Variants in CTNNA3 observed in about 807,000 individuals in gnomAD.
The protein encoded by CTNNA3 is catenin alpha-3.
A neutral mutation model predicts 95.7 loss-of-function variants in CTNNA3; 76 were observed. The ratio of observed to expected loss-of-function variants is 0.79; its 90% CI spans 0.66 to 0.96. The LOEUF (loss-of-function observed/expected upper bound fraction) is 0.96. Among genes scored for constraint, CTNNA3 ranks in the 40% least tolerant of loss-of-function variants. The pLI is 0.00. For missense variants in CTNNA3, 1,191 were observed against 1,089.8 expected, an observed-to-expected ratio of 1.09 and a Z score of -1.31; for synonymous variants, 431 against 374.4, an observed-to-expected ratio of 1.15 and a Z score of -1.74.
chr10:66,615,238 G>A (rs998435825), intron 10 of CTNNA3, among the ~76,000 whole-genome samples: 4 of 151,768 alleles, frequency 2.6e-5, no homozygotes, highest in African/African-American at 9.7e-5. Flanking sequence ...TATTTTTCAT[G>A]TCATATGAAT....
intron 11 of CTNNA3, among the ~76,000 whole-genome samples, chr10:66,418,056 AG>A (rs2093160959): frequency 6.6e-6 from 1 of 151,650 alleles, no homozygotes; most frequent in African/African-American, 2.4e-5. Flanking sequence ...AACAATAAAA[AG>A]CATGAATGAA....
intron 10 of CTNNA3, among the ~76,000 whole-genome samples, chr10:66,614,880 G>A (rs937410226): frequency 6.6e-6 from 1 of 151,896 alleles, no homozygotes; most frequent in Non-Finnish European, 1.5e-5. Flanking sequence ...AATTGAATGT[G>A]TATTCACCAC....
rs1365702230 is a variant in CTNNA3, at chr10:66,483,989, T to G, written c.1531+36628A>C. 1.2e-4 allele frequency among the ~76,000 whole-genome samples: 19 copies of G among 152,132 alleles called. 1 individual carries two copies. The highest frequency in any genetic ancestry group is 1.2e-3 in the Admixed American group (19 of 15,278). Reference sequence around the variant, plus strand: ...TTTTTCCCCACTTTAGTTTATTAAATGATGAAAAAGGTAAAAAATGAGAAC... The same window carrying G: ...TTTTTCCCCACTTTAGTTTATTAAAGGATGAAAAAGGTAAAAAATGAGAAC... On this transcript the variant is annotated intron_variant, in intron 11 of 17. Coordinates refer to ENST00000433211, the MANE Select transcript of CTNNA3 (RefSeq NM_013266.4).
At chr10:67,475,948 A>G (rs1286717210) in intron 5 of CTNNA3, among the ~76,000 whole-genome samples, 2 of 152,246 alleles carry the variant, frequency 1.3e-5, no homozygotes, top group Admixed American at 6.5e-5. Context: ...ATTGAGTTGA[A>G]GGAAAATATT....
rs940558965 is a variant in CTNNA3, at chr10:66,712,841, A to G, written c.1281+53423T>C. On this transcript the variant is annotated intron_variant, in intron 9 of 17. Transcript: ENST00000433211. ...ACCTATGCTAGACTACACCACAAATAAGCTCATACCTTTATAATGTGTCTA... is the reference window on the plus strand; with the variant it reads ...ACCTATGCTAGACTACACCACAAATGAGCTCATACCTTTATAATGTGTCTA... Among the ~76,000 whole-genome samples the G allele has an allele frequency of 1.4e-4, 22 of 152,162 alleles. 1 individual carries two copies. Among genetic ancestry groups the G allele is most frequent in the Admixed American group, 1.4e-3 (22 of 15,268 alleles).
At chr10:67,347,560 C>G (rs1443424672) in intron 5 of CTNNA3, among the ~76,000 whole-genome samples, 1 of 152,128 alleles carries the variant, frequency 6.6e-6, no homozygotes, top group Non-Finnish European at 1.5e-5. Flanking sequence ...ATGAAACAAA[C>G]TGTATCCTTG....
chr10:67,160,944 T>C lies in CTNNA3; in HGVS notation c.1047+19373A>G, dbSNP rs1417254978. Reference sequence around the variant, plus strand: ...AAGCTAGTCACAGAAGAACAAATACTGCATCATACCACTTATATGAGGCAT... The same window carrying C: ...AAGCTAGTCACAGAAGAACAAATACCGCATCATACCACTTATATGAGGCAT... On this transcript the variant is annotated intron_variant, in intron 7 of 17. Transcript: ENST00000433211. Among the ~76,000 whole-genome samples the C allele has an allele frequency of 1.3e-5, 2 of 152,132 alleles. 1 individual carries two copies. Among genetic ancestry groups the C allele is most frequent in the South Asian group, 4.1e-4 (2 of 4,832 alleles).
In CTNNA3 at chr10:66,804,680, A is replaced by G. The variant is rs116668530; in HGVS notation, c.1048-29156T>C. Among the ~76,000 whole-genome samples, 1,128 of 152,162 alleles carry G rather than the reference A, an allele frequency of 7.4e-3. 13 individuals are homozygous for G. Among genetic ancestry groups the G allele is most frequent in the African/African-American group, 0.025 (1,023 of 41,540 alleles). ...TAAACACCTGTAACATAAAATCTATATTGCTCTCCCTAGTTATTTTCAGAC... is the reference window on the plus strand; with the variant it reads ...TAAACACCTGTAACATAAAATCTATGTTGCTCTCCCTAGTTATTTTCAGAC... On this transcript the variant is annotated intron_variant, in intron 7 of 17. Transcript: ENST00000433211.
At chr10:66,094,343 G>T (rs2081314832) in intron 14 of CTNNA3, among the ~76,000 whole-genome samples, 1 of 152,068 alleles carries the variant, frequency 6.6e-6, no homozygotes, top group South Asian at 2.1e-4. Flanking sequence ...TTAGGAGATT[G>T]GATTTCATGC....
At chr10:67,051,511 G>A (rs1416971547) in intron 7 of CTNNA3, among the ~76,000 whole-genome samples, 1 of 148,508 alleles carries the variant, frequency 6.7e-6, no homozygotes, top group Non-Finnish European at 1.5e-5. Flanking sequence ...CGAGGCTGGA[G>A]TGCAGTGGTG....
chr10:66,635,974 A>AC (rs1845318859), intron 9 of CTNNA3, among the ~76,000 whole-genome samples: 1 of 150,302 alleles, frequency 6.7e-6, no homozygotes, highest in African/African-American at 2.5e-5. Flanking sequence ...AATGAGTGAA[A>AC]CAAATTGGAA....
At chr10:67,579,675 G>A (rs1842309459) in intron 3 of CTNNA3, among the ~76,000 whole-genome samples, 1 of 152,162 alleles carries the variant, frequency 6.6e-6, no homozygotes, top group Non-Finnish European at 1.5e-5. Flanking sequence ...CACCAACAGT[G>A]TAAAAGTGTT....
intron 13 of CTNNA3, among the ~76,000 whole-genome samples, chr10:66,144,679 G>A (rs1054750495): frequency 5.9e-5 from 9 of 151,962 alleles, no homozygotes; most frequent in African/African-American, 1.7e-4. Context: ...GTAGAGACGG[G>A]GTTTCTCCAT....
rs1460099303 is a variant in CTNNA3, at chr10:66,160,044, T to C, written c.1885-56795A>G. 2.0e-5 allele frequency among the ~76,000 whole-genome samples: 3 copies of C among 152,136 alleles called. No homozygotes were observed. The East Asian group carries it at 5.8e-4, about 29-fold the overall frequency. On this transcript the variant is annotated intron_variant, in intron 13 of 17. Coordinates refer to ENST00000433211, the MANE Select transcript of CTNNA3 (RefSeq NM_013266.4). Reference sequence around the variant, plus strand: ...TAGTGTCTCCTCTTTCATTTCTCAGTGAGGTTATTTGGATTTTCTGTCTTC... The same window carrying C: ...TAGTGTCTCCTCTTTCATTTCTCAGCGAGGTTATTTGGATTTTCTGTCTTC...
chr10:67,553,634 C>A (rs1841112914), intron 3 of CTNNA3, among the ~76,000 whole-genome samples: 1 of 152,098 alleles, frequency 6.6e-6, no homozygotes, highest in African/African-American at 2.4e-5. Context: ...AAACTGCAGT[C>A]ATCACTTACA....
At chr10:66,021,975 C>T (rs2079228437) in intron 15 of CTNNA3, among the ~76,000 whole-genome samples, 1 of 150,774 alleles carries the variant, frequency 6.6e-6, no homozygotes, top group Admixed American at 6.7e-5. Flanking sequence ...GCCCTCAGAT[C>T]CCAAGGAGCT....
chr10:66,830,626 T>C (rs2132318289), intron 7 of CTNNA3, among the ~76,000 whole-genome samples: 2 of 152,274 alleles, frequency 1.3e-5, no homozygotes, highest in South Asian at 4.1e-4. Flanking sequence ...TTTTTCCTTT[T>C]TGAGACGGAG....
rs71474007 is a variant in CTNNA3 at position 66,024,085 on chromosome 10, A to ATTTTTTTTTT, written c.2160-35298_2160-35289dup. On this transcript the variant is annotated intron_variant, in intron 15 of 17. Transcript: ENST00000433211. ...TATCACAGAAACTTATACCATACACATTTTTTTTTTTTTTTTTTTTTTGAG... is the reference window on the plus strand; with the variant it reads ...TATCACAGAAACTTATACCATACACATTTTTTTTTTTTTTTTTTTTTTTTTTTTTTTTGAG... Among the ~76,000 whole-genome samples, 60 of 87,736 alleles carry ATTTTTTTTTT rather than the reference A, an allele frequency of 6.8e-4. 3 individuals carry two copies. Among genetic ancestry groups the ATTTTTTTTTT allele is most frequent in the Non-Finnish European group, 7.3e-4 (35 of 48,062 alleles). The allele number at this position is 87,736 out of a possible 152,430, so 57.6% of individuals were successfully genotyped here.
intron 5 of CTNNA3, among the ~76,000 whole-genome samples, chr10:67,521,127 G>A (rs1839971096): frequency 6.6e-6 from 1 of 152,168 alleles, no homozygotes; most frequent in Admixed American, 6.5e-5. Context: ...CTGACACCTA[G>A]TGGCTGTGAA....
Sources: gnomAD v4.1 joint callset for allele counts (sites outside exome capture counted in the v4.1 genomes callset) on GRCh38, gnomAD v4.1.1 for gene constraint, MANE v1.5 for transcripts, NCBI Gene and HGNC (gene_info 2026-07-23, HGNC 2026-07-21) for gene names.